The following MMS19 variants were observed in gnomAD, a reference collection of about 807,000 sequenced individuals.
MMS19 encodes the protein MMS19 nucleotide excision repair protein homolog.
MMS19 carries 77 observed loss-of-function variants against 129.8 expected under a neutral mutation model. The observed-to-expected ratio is 0.59, with a 90% confidence interval of 0.49 to 0.72. MMS19 has a LOEUF of 0.72. MMS19 is among the 30% of genes least tolerant of loss of function. The probability of loss-of-function intolerance (pLI) is 0.00; values close to 1 mark genes in which losing one functional copy is unlikely to be tolerated. For missense variants in MMS19, 1,168 were observed against 1,266.3 expected (o/e 0.92, Z 1.18); for synonymous variants, 491 against 502.8 (o/e 0.98, Z 0.31).
At chr10:97,464,637 C>T (rs143765486) in intron 18 of MMS19, among the ~76,000 whole-genome samples, 7 of 152,084 alleles carry the variant, frequency 4.6e-5, no homozygotes, top group East Asian at 1.9e-4. Flanking sequence ...TTGAGCACCA[C>T]GGCCTTAGGG....
chr10:97,493,981 C>T (rs2039388346), intron 1 of MMS19, among the ~76,000 whole-genome samples: 1 of 152,180 alleles, frequency 6.6e-6, no homozygotes, highest in Admixed American at 6.5e-5. Flanking sequence ...CACCATTGCA[C>T]TCCAGCCTGG....
chr10:97,481,731 C>A (rs976374080), intron 2 of MMS19, among the ~76,000 whole-genome samples: 2 of 152,032 alleles, frequency 1.3e-5, no homozygotes, highest in Middle Eastern at 3.4e-3. Context: ...CAGCAACAAG[C>A]AGAAAGTGGA....
chr10:97,485,303 A>G (rs1318751715), intron 1 of MMS19, among the ~76,000 whole-genome samples: 1 of 150,706 alleles, frequency 6.6e-6, no homozygotes, highest in Non-Finnish European at 1.5e-5. Flanking sequence ...TAATTTTTGT[A>G]TTTTCTTTTC....
In MMS19 at chr10:97,461,570, C is replaced by T. The variant is rs1589566838; in HGVS notation, c.2237G>A (p.Cys746Tyr). Residue 746 changes from cysteine to tyrosine, a missense_variant, in exon 23 of 31, where the codon TGC becomes TAC. Cys to Tyr is a radical substitution (Grantham distance 194). This residue lies in a region of MMS19 where 831 missense variants were observed against 910.8 expected (regional missense o/e 0.91). Transcript: ENST00000438925. ...GGAAGAAAAGGGGCAGCTGTGGCAG[C>T]AGCTCAGTTCCAAAAGCTCCCGCAT... ...QLMRELLELS[C>Y]CHSCPFSSTA... 1 of 1,601,728 alleles carries T rather than the reference C, an allele frequency of 6.2e-7. No homozygotes were observed. Among genetic ancestry groups the T allele is most frequent in the Non-Finnish European group, 8.5e-7 (1 of 1,174,206 alleles).
rs750229471 is a variant in MMS19 at position 97,468,381 on chromosome 10, C to T, written c.1089G>A (p.Pro363=). 27 of 1,610,484 alleles carry T rather than the reference C, an allele frequency of 1.7e-5. No individual in the cohort carries two copies. Among genetic ancestry groups the T allele is most frequent in the East Asian group, 1.6e-4 (7 of 44,702 alleles). ...CACTAGGCCACACCAGTTTCATGTC[C>T]GGTTCACACAGGTGGTGCCTGCAGT... ...LQDCRHHLCE[P]DMKLVWPSAK... The change falls in exon 13 of 31, where the codon CCG becomes CCA. Residue 363 remains proline, a synonymous_variant. Coordinates refer to ENST00000438925, the MANE Select transcript of MMS19 (RefSeq NM_022362.5).
chr10:97,484,138 GC>G lies in MMS19; in HGVS notation c.125del (p.Gly42AlafsTer16). ...CCACAACTTGTAACACTGTATAGTT[GC>G]CAGATTTCACATCTGCAGGAAATAA... is the stretch of plus-strand genomic sequence containing the variant. ...ADQVAADVKS[G>X]NYTVLQVVEA... On this transcript the variant is annotated frameshift_variant, in exon 2 of 31. Coordinates refer to ENST00000438925, the MANE Select transcript of MMS19 (RefSeq NM_022362.5). LOFTEE classifies it high-confidence loss of function. 1.3e-6 allele frequency: 2 copies of G among 1,531,360 alleles called. No homozygotes were observed. Among genetic ancestry groups the G allele is most frequent in the South Asian group, 1.2e-5 (1 of 80,206 alleles). 94.9% of individuals were successfully genotyped at this position (1,531,360 alleles called of 1,614,324 possible). A position where few individuals can be genotyped will look rare whatever the true frequency, so the allele number is the denominator to read the frequency against.
intron 4 of MMS19, among the ~76,000 whole-genome samples, 184 bp downstream of exon 4, chr10:97,478,118 CCA>C (rs776000619): frequency 6.6e-6 from 1 of 152,184 alleles, no homozygotes; most frequent in Non-Finnish European, 1.5e-5. Context: ...GCTCTGGTTT[CCA>C]GTCCCCCAAA....
intron 8 of MMS19, 129 bp from the exon 9 acceptor site, chr10:97,470,990 G>C: frequency 1.8e-6 from 1 of 557,576 alleles, no homozygotes. Context: ...AAGATAATGA[G>C]GCCCCAGCAA....
chr10:97,485,804 T>C (rs1215510817), intron 1 of MMS19, among the ~76,000 whole-genome samples: 1 of 152,208 alleles, frequency 6.6e-6, no homozygotes, highest in Non-Finnish European at 1.5e-5. Flanking sequence ...GGATGGCTAT[T>C]ATCAAAAAGA....
intron 3 of MMS19, among the ~76,000 whole-genome samples, chr10:97,478,921 C>T (rs1589705690): frequency 6.6e-6 from 1 of 152,048 alleles, no homozygotes; most frequent in East Asian, 1.9e-4. Context: ...AATACCCACA[C>T]ACATATACCC....
At chr10:97,467,632 T>C in intron 13 of MMS19, 49 bp from the exon 14 acceptor site, 1 of 1,542,538 alleles carries the variant, frequency 6.5e-7, no homozygotes, top group Non-Finnish European at 8.9e-7. Context: ...TTAAAGGATT[T>C]CAATCCTGCT....
At chr10:97,492,531 T>C (rs1245822434) in intron 1 of MMS19, among the ~76,000 whole-genome samples, 1 of 148,504 alleles carries the variant, frequency 6.7e-6, no homozygotes, top group Non-Finnish European at 1.5e-5. Context: ...ATAATAAAGC[T>C]ATTACAAGAC....
At chr10:97,472,596 AT>A (rs369792317) in intron 8 of MMS19, among the ~76,000 whole-genome samples, 2,372 of 147,474 alleles carry the variant, frequency 0.016, 48 homozygotes, top group African/African-American at 0.056. Flanking sequence ...AATAATTTCC[AT>A]TTTTTTTTTG....
intron 1 of MMS19, among the ~76,000 whole-genome samples, chr10:97,491,831 T>C (rs1419625592): frequency 6.6e-6 from 1 of 152,074 alleles, no homozygotes; most frequent in Admixed American, 6.5e-5. Flanking sequence ...CTTGAATTAA[T>C]GCAGCACAAA....
In MMS19 at chr10:97,469,526, T is replaced by A. The variant is rs1011660512; in HGVS notation, c.924+120A>T. 6 of 769,416 alleles carry A rather than the reference T, an allele frequency of 7.8e-6. No individual in the cohort carries two copies. In the Admixed American group the frequency reaches 1.4e-4, roughly 18 times the overall value. The allele number at this position is 769,416 out of a possible 1,614,324, so 47.7% of individuals were successfully genotyped here. ...TATGTCCCCCTACTTGCCTCCTGAA[T>A]AACCAGGCATTATATCTTGGCCCTG... On this transcript the variant is annotated intron_variant, in intron 11 of 30. Transcript: ENST00000438925.
intron 8 of MMS19, among the ~76,000 whole-genome samples, chr10:97,476,030 T>C (rs1188957710): frequency 2.6e-5 from 4 of 152,316 alleles, no homozygotes; most frequent in African/African-American, 7.2e-5. Flanking sequence ...CATGCTGCAA[T>C]AGAATGCCTT....
chr10:97,485,703 C>T (rs930083528), intron 1 of MMS19, among the ~76,000 whole-genome samples: 3 of 152,230 alleles, frequency 2.0e-5, no homozygotes, highest in Non-Finnish European at 2.9e-5. Flanking sequence ...CCGCCTCTGC[C>T]TCCCAAATTG....
intron 1 of MMS19, among the ~76,000 whole-genome samples, chr10:97,494,800 T>C (rs1287995737): frequency 3.9e-5 from 6 of 152,368 alleles, no homozygotes; most frequent in South Asian, 2.1e-4. Context: ...TAGAGTCCTC[T>C]ATCTCCTTCA....
intron 4 of MMS19, 132 bp downstream of exon 4, chr10:97,478,172 G>C (rs1037659290): frequency 1.1e-5 from 8 of 735,330 alleles, no homozygotes; most frequent in Non-Finnish European, 1.8e-5. Context: ...AGTAGAGCTG[G>C]TAACACTAAT....
Sources: gnomAD v4.1 joint callset for allele counts (sites outside exome capture counted in the v4.1 genomes callset) on GRCh38, gnomAD v4.1.1 for gene constraint, gnomAD v4.1.1 regional missense constraint, MANE v1.5 for transcripts, NCBI Gene and HGNC (gene_info 2026-07-23, HGNC 2026-07-21) for gene names.